The following TM4SF18 variants were observed in gnomAD, a reference collection of about 807,000 sequenced individuals.
TM4SF18 encodes the protein transmembrane 4 L six family member 18.
A neutral mutation model predicts 23.8 loss-of-function variants in TM4SF18; 22 were observed. That is an observed-to-expected ratio of 0.92 (90% CI 0.66 to 1.32). The LOEUF (loss-of-function observed/expected upper bound fraction) is 1.32, where lower values mean the gene tolerates loss of function less well. Ranked by LOEUF, TM4SF18 falls within the 40% of genes most tolerant of loss-of-function variation. The pLI is 0.00. For synonymous variants in TM4SF18, 87 were observed against 87.9 expected (o/e 0.99, Z 0.06); for missense variants, 255 against 240.3 (o/e 1.06, Z -0.41).
chr3:149,321,573 A>C, intron 5 of TM4SF18, 81 bp from the exon 6 acceptor site: 2 of 892,584 alleles, frequency 2.2e-6, no homozygotes, highest in Admixed American at 2.5e-5. Flanking sequence ...ATAGCAACTT[A>C]AACTTATATT....
At chr3:149,321,850 G>A (rs1398090315) in intron 5 of TM4SF18, among the ~76,000 whole-genome samples, 1 of 152,164 alleles carries the variant, frequency 6.6e-6, no homozygotes, top group Non-Finnish European at 1.5e-5. Flanking sequence ...TTCATTAGTT[G>A]AATGTAGCAG....
At position 149,322,221 on chromosome 3, in the gene TM4SF18, T is replaced by C. The variant is rs1295325315; in HGVS notation, c.591+35A>G. On this transcript the variant is annotated intron_variant, in intron 5 of 5. Coordinates refer to ENST00000296059, the MANE Select transcript of TM4SF18 (RefSeq NM_138786.4). The stretch of plus-strand genomic sequence containing the variant: ...TGAATCCTGGGAAGTGGGGGAAATA[T>C]GGATGAGCTACAGGTGCCCATGAGA... 7.1e-6 allele frequency: 11 copies of C among 1,552,828 alleles called. No individual in the cohort carries two copies. In the East Asian group the frequency reaches 2.5e-4, roughly 36 times the overall value.
At chr3:149,325,514 A>T (rs1730923514) in intron 3 of TM4SF18, among the ~76,000 whole-genome samples, 1 of 152,162 alleles carries the variant, frequency 6.6e-6, no homozygotes, top group Non-Finnish European at 1.5e-5. Context: ...TGACGATAGG[A>T]TTGATGGAGA....
At chr3:149,322,859 G>A (rs16861768) in intron 4 of TM4SF18, among the ~76,000 whole-genome samples, 13,260 of 150,460 alleles carry the variant, frequency 0.088, 698 homozygotes, top group Middle Eastern at 0.15. Flanking sequence ...CTGGATTTGG[G>A]TCTGCAGGAT....
chr3:149,329,119 T>C (rs756960741), intron 3 of TM4SF18, among the ~76,000 whole-genome samples: 1 of 151,104 alleles, frequency 6.6e-6, no homozygotes, highest in Non-Finnish European at 1.5e-5. Flanking sequence ...CATAAGTATA[T>C]TACAAGTAGC....
At chr3:149,325,094 T>C (rs1576831821) in intron 3 of TM4SF18, 72 bp from the exon 4 acceptor site, 3 of 1,483,668 alleles carry the variant, frequency 2.0e-6, no homozygotes, top group South Asian at 2.4e-5. Context: ...AATTATCAGA[T>C]AGCTACATTC....
chr3:149,318,674 A>G lies in TM4SF18; in HGVS notation c.*2804T>C, dbSNP rs1257929868. 1.3e-5 allele frequency: 2 copies of G among 152,196 alleles called. No individual in the cohort carries two copies. Among genetic ancestry groups the G allele is most frequent in the Non-Finnish European group, 2.9e-5 (2 of 68,038 alleles). 9.4% of individuals were successfully genotyped at this position (152,196 alleles called of 1,614,324 possible). A position where few individuals can be genotyped will look rare whatever the true frequency, so the allele number is the denominator to read the frequency against. Reference sequence around the variant, plus strand: ...TACTTATGCTTTCTTTTTTCAGCCTATAGCATCTGGTCTCCCATCCAAGTA... The same window carrying G: ...TACTTATGCTTTCTTTTTTCAGCCTGTAGCATCTGGTCTCCCATCCAAGTA... On this transcript the variant is annotated 3_prime_UTR_variant, in exon 6 of 6. Transcript: ENST00000296059.
chr3:149,324,893 C>G lies in TM4SF18; in HGVS notation c.397G>C (p.Gly133Arg), dbSNP rs1472660688. ...TLDGWEYAFE[G>R]TAGRFLTDSS... is the part of the protein sequence containing the mutation. ...ATTATTCCTTACCGTCCAGCAGTGC[C>G]TTCAAAAGCATACTCCCAGCCATCA... Residue 133 changes from glycine (G) to arginine (R), a missense_variant, in exon 4 of 6, where the codon GGC becomes CGC. Gly to Arg is a moderately radical substitution (Grantham distance 125). Transcript: ENST00000296059. 9 of 1,614,022 alleles carry G rather than the reference C, an allele frequency of 5.6e-6. No individual in the cohort carries two copies. Among genetic ancestry groups the G allele is most frequent in the Non-Finnish European group, 7.6e-6 (9 of 1,180,012 alleles).
At chr3:149,325,140 C>G in intron 3 of TM4SF18, 118 bp from the exon 4 acceptor site, 1 of 835,006 alleles carries the variant, frequency 1.2e-6, no homozygotes, top group Non-Finnish European at 1.8e-6. Context: ...CTATACAATA[C>G]TAAATGCCCA....
At chr3:149,321,855 T>C (rs1339830364) in intron 5 of TM4SF18, among the ~76,000 whole-genome samples, 1 of 152,254 alleles carries the variant, frequency 6.6e-6, no homozygotes, top group Non-Finnish European at 1.5e-5. Flanking sequence ...TAGTTGAATG[T>C]AGCAGCATTC....
intron 4 of TM4SF18, among the ~76,000 whole-genome samples, chr3:149,322,834 A>G (rs1415004495): frequency 1.3e-5 from 2 of 151,838 alleles, no homozygotes; most frequent in Non-Finnish European, 2.9e-5. Flanking sequence ...AGCACAGAAT[A>G]TGAAATCAGA....
At chr3:149,330,595 A>G (rs1188734744) in intron 2 of TM4SF18, among the ~76,000 whole-genome samples, 176 bp from the exon 3 acceptor site, 1 of 152,222 alleles carries the variant, frequency 6.6e-6, no homozygotes, top group African/African-American at 2.4e-5. Context: ...ATAAAATGGT[A>G]TCAAGAGATC....
At chr3:149,323,441 G>C (rs1730861114) in intron 4 of TM4SF18, among the ~76,000 whole-genome samples, 1 of 152,192 alleles carries the variant, frequency 6.6e-6, no homozygotes, top group Non-Finnish European at 1.5e-5. Context: ...GCTCTGCACA[G>C]ATCATCTAGC....
At chr3:149,328,059 T>G (rs1730995665) in intron 3 of TM4SF18, among the ~76,000 whole-genome samples, 1 of 152,154 alleles carries the variant, frequency 6.6e-6, no homozygotes, top group African/African-American at 2.4e-5. Context: ...TTGGCCAATA[T>G]TTGCTTTCCA....
intron 2 of TM4SF18, among the ~76,000 whole-genome samples, chr3:149,330,865 G>A (rs1731071852): frequency 6.6e-6 from 1 of 152,160 alleles, no homozygotes; most frequent in Non-Finnish European, 1.5e-5. Context: ...GGGAATGGAG[G>A]TGAGAGGCTC....
At chr3:149,325,082 T>C in intron 3 of TM4SF18, 60 bp from the exon 4 acceptor site, 1 of 1,546,542 alleles carries the variant, frequency 6.5e-7, no homozygotes, top group Non-Finnish European at 8.8e-7. Context: ...ATATTGTGGA[T>C]AAATTATCAG....
rs4048749 is a variant in TM4SF18, at chr3:149,333,482, C to CTGTTTTT, written c.-18+30_-18+31insAAAAACA. 9 of 237,638 alleles carry CTGTTTTT rather than the reference C, an allele frequency of 3.8e-5. 1 individual carries two copies. The highest frequency in any genetic ancestry group is 1.1e-4 in the Admixed American group (1 of 9,454). The allele number at this position is 237,638 out of a possible 1,614,324, so 14.7% of individuals were successfully genotyped here. On this transcript the variant is annotated intron_variant, in intron 1 of 5. Coordinates refer to ENST00000296059, the MANE Select transcript of TM4SF18 (RefSeq NM_138786.4). ...TGACCTTTTTTTTCTCTCTCTCTCT[C>CTGTTTTT]TTTTTTTTTTTTTTTTTTGAGATTA...
intron 2 of TM4SF18, among the ~76,000 whole-genome samples, chr3:149,331,412 A>G (rs1731085137): frequency 1.3e-5 from 2 of 152,314 alleles, no homozygotes; most frequent in African/African-American, 4.8e-5. Context: ...AATATAAGCA[A>G]AAGAGTCCTA....
chr3:149,333,617 G>T lies in TM4SF18; in HGVS notation c.-122C>A. On this transcript the variant is annotated 5_prime_UTR_variant, in exon 1 of 6. Coordinates refer to ENST00000296059, the MANE Select transcript of TM4SF18 (RefSeq NM_138786.4). ...GTGTGAAATACTGGTTTACTGTTTG[G>T]AGAACAATAGACAATGATCAACAAC... 1 of 394,770 alleles carries T rather than the reference G, an allele frequency of 2.5e-6. No homozygotes were observed. The highest frequency in any genetic ancestry group is 4.5e-6 in the Non-Finnish European group (1 of 223,898). The allele number at this position is 394,770 out of a possible 1,614,324, so 24.5% of individuals were successfully genotyped here.
Sources: gnomAD v4.1 joint callset for allele counts (sites outside exome capture counted in the v4.1 genomes callset) on GRCh38, gnomAD v4.1.1 for gene constraint, MANE v1.5 for transcripts, NCBI Gene and HGNC (gene_info 2026-07-23, HGNC 2026-07-21) for gene names.